RALY: variants seen among roughly 807,000 people sequenced by gnomAD.
The protein encoded by RALY is RNA-binding protein Raly.
Under a neutral mutation model 30.7 loss-of-function variants are expected in RALY, and 15 were observed. That is an observed-to-expected ratio of 0.49 (90% confidence interval 0.33 to 0.75). The LOEUF (loss-of-function observed/expected upper bound fraction) is 0.75, where lower values mean the gene tolerates loss of function less well. Among genes scored for constraint, RALY ranks in the 30% least tolerant of loss-of-function variants. The probability of loss-of-function intolerance (pLI) is 0.02; values close to 1 mark genes in which losing one functional copy is unlikely to be tolerated. For synonymous variants in RALY, 177 were observed against 170.8 expected (o/e 1.04, Z -0.28); for missense variants, 339 against 414.3 (o/e 0.82, Z 1.58).
intron 1 of RALY, among the ~76,000 whole-genome samples, chr20:34,012,121 G>A (rs557030126): frequency 2.0e-5 from 3 of 151,596 alleles, no homozygotes; most frequent in Admixed American, 1.3e-4. Context: ...GGCAGGCCCC[G>A]CTTCAAACTC....
intron 1 of RALY, among the ~76,000 whole-genome samples, chr20:33,996,961 C>T (rs749898502): frequency 4.6e-5 from 7 of 152,130 alleles, no homozygotes; most frequent in Admixed American, 2.6e-4. Flanking sequence ...AATTATTAGT[C>T]CTCACCTGCA....
At chr20:34,050,280 T>G (rs2033031684) in intron 2 of RALY, among the ~76,000 whole-genome samples, 1 of 152,212 alleles carries the variant, frequency 6.6e-6, no homozygotes, top group Non-Finnish European at 1.5e-5. Context: ...TAGGTTCCTT[T>G]GATTCAGTTC....
chr20:34,074,309 A>G (rs970637343), intron 5 of RALY, among the ~76,000 whole-genome samples: 1 of 152,062 alleles, frequency 6.6e-6, no homozygotes, highest in Non-Finnish European at 1.5e-5. Context: ...AGCCATTTGG[A>G]AGTCTAATTA....
Position 34,073,567 on chromosome 20 carries a change from C to G in RALY, c.261C>G (p.Ile87Met). 1 of 1,593,508 alleles carries G rather than the reference C, an allele frequency of 6.3e-7. No homozygotes were observed. Among genetic ancestry groups the G allele is most frequent in the Non-Finnish European group, 8.6e-7 (1 of 1,161,178 alleles). The part of the protein sequence containing the change: ...GRVLAGQTLD[I>M]NMAGEPKPDR... ...CTGCCTTCTCCCTCCACACAGACAT[C>G]AACATGGCTGGAGAGCCTAAGCCTG... Residue 87 changes from isoleucine to methionine, a missense_variant, in exon 4 of 10, where the codon ATC (isoleucine) becomes ATG (methionine). By Grantham distance (10) the Ile-to-Met change is conservative. Coordinates refer to ENST00000246194, the MANE Select transcript of RALY (RefSeq NM_016732.3).
chr20:34,003,138 G>A (rs1176251448), intron 1 of RALY, among the ~76,000 whole-genome samples: 1 of 152,102 alleles, frequency 6.6e-6, no homozygotes, highest in African/African-American at 2.4e-5. Context: ...ATATTACTTG[G>A]GATGCTGTGT....
chr20:34,074,128 A>AC (rs2033807988), intron 5 of RALY, among the ~76,000 whole-genome samples: 1 of 152,158 alleles, frequency 6.6e-6, no homozygotes, highest in African/African-American at 2.4e-5. Flanking sequence ...GCTCAAGGAG[A>AC]CCGTACAGCC....
chr20:34,035,654 G>T (rs1219096644), intron 2 of RALY, among the ~76,000 whole-genome samples: 1 of 152,096 alleles, frequency 6.6e-6, no homozygotes, highest in African/African-American at 2.4e-5. Flanking sequence ...TCTTTTTAAA[G>T]ATACACATTT....
intron 2 of RALY, among the ~76,000 whole-genome samples, chr20:34,032,054 C>A (rs1251117129): frequency 2.0e-5 from 3 of 152,210 alleles, no homozygotes; most frequent in Non-Finnish European, 4.4e-5. Flanking sequence ...CCTCCGCCTC[C>A]CGGGTTCAAG....
intron 1 of RALY, among the ~76,000 whole-genome samples, chr20:34,021,879 AT>A (rs898821759): frequency 3.8e-4 from 58 of 151,106 alleles, no homozygotes; most frequent in African/African-American, 1.3e-3. Context: ...TATTAAAAAA[AT>A]TTTTTTTAAT....
At chr20:34,024,597 G>A (rs2031949778) in intron 1 of RALY, among the ~76,000 whole-genome samples, 1 of 152,160 alleles carries the variant, frequency 6.6e-6, no homozygotes. Flanking sequence ...CGTGAACATG[G>A]GTTGGGCTCA....
intron 2 of RALY, among the ~76,000 whole-genome samples, chr20:34,058,484 T>C (rs1601486763): frequency 8.0e-6 from 1 of 124,678 alleles, no homozygotes; most frequent in African/African-American, 3.3e-5. Flanking sequence ...ACCTGAACCA[T>C]ACAATGCCCT....
intron 2 of RALY, 101 bp downstream of exon 2, chr20:34,031,705 G>A (rs1311971478): frequency 6.6e-6 from 1 of 152,208 alleles, no homozygotes; most frequent in African/African-American, 2.4e-5. Flanking sequence ...TAACTTACAA[G>A]TGATTATCTT....
intron 2 of RALY, among the ~76,000 whole-genome samples, chr20:34,039,821 T>G (rs1185878575): frequency 6.6e-6 from 1 of 152,044 alleles, no homozygotes; most frequent in Admixed American, 6.6e-5. Flanking sequence ...CATTTAAAAG[T>G]GCAATAATGG....
chr20:34,072,399 C>G, intron 3 of RALY, 69 bp downstream of exon 3: 1 of 1,516,838 alleles, frequency 6.6e-7, no homozygotes, highest in Non-Finnish European at 8.8e-7. Flanking sequence ...CAGTTCTCAA[C>G]CCCCTTCTCT....
intron 1 of RALY, among the ~76,000 whole-genome samples, chr20:34,017,162 C>G (rs780985330): frequency 4.3e-5 from 3 of 69,668 alleles, no homozygotes; most frequent in Non-Finnish European, 8.4e-5. Context: ...ATCGTATAGG[C>G]CCCCTCTTCA....
At chr20:34,054,444 G>A (rs1445832052) in intron 2 of RALY, among the ~76,000 whole-genome samples, 1 of 152,172 alleles carries the variant, frequency 6.6e-6, no homozygotes, top group African/African-American at 2.4e-5. Flanking sequence ...GGATACAAAA[G>A]CTTTCCCGAA....
intron 1 of RALY, among the ~76,000 whole-genome samples, chr20:34,000,224 G>C (rs1601394648): frequency 2.0e-5 from 3 of 152,282 alleles, no homozygotes; most frequent in South Asian, 4.2e-4. Context: ...GAGTGCAGTG[G>C]AATAAATAGG....
intron 1 of RALY, among the ~76,000 whole-genome samples, chr20:34,007,197 C>T (rs1908448394): frequency 6.6e-6 from 1 of 152,170 alleles, no homozygotes; most frequent in South Asian, 2.1e-4. Flanking sequence ...TTTGTTCCTT[C>T]ATCACTAAAC....
intron 2 of RALY, among the ~76,000 whole-genome samples, chr20:34,054,823 A>T (rs1241392561): frequency 6.6e-6 from 1 of 151,950 alleles, no homozygotes; most frequent in East Asian, 1.9e-4. Flanking sequence ...CTCAAAAAAA[A>T]AAAAAAGAAA....
Sources: allele counts gnomAD v4.1 joint callset (sites outside exome capture counted in the v4.1 genomes callset), GRCh38; gene constraint gnomAD v4.1.1; transcripts MANE v1.5; gene names NCBI Gene and HGNC (gene_info 2026-07-23, HGNC 2026-07-21).